Variants in MLLT1 observed in about 807,000 individuals in gnomAD.
The protein encoded by MLLT1 is protein ENL.
In MLLT1, 11 loss-of-function variants were observed where a neutral mutation model predicts 55.1. The observed-to-expected ratio is 0.20, with a 90% confidence interval of 0.13 to 0.33. The LOEUF is 0.33. MLLT1 is among the 10% of genes least tolerant of loss of function. The pLI is 1.00. For missense variants in MLLT1, 536 were observed against 760.6 expected (o/e 0.70, Z 3.47); for synonymous variants, 323 against 320.1 (o/e 1.01, Z -0.10).
rs2091107131 is a variant in MLLT1, at chr19:6,240,853, AAGG to A, written c.277-10143_277-10141del. Among the ~76,000 whole-genome samples, 1 of 152,100 alleles carries A rather than the reference AAGG, an allele frequency of 6.6e-6. No homozygotes were observed. The highest frequency in any genetic ancestry group is 1.5e-5 in the Non-Finnish European group (1 of 68,002). On this transcript the variant is annotated intron_variant, in intron 3 of 11. Transcript: ENST00000252674. This position sits in a 1 kb window ranked among gnomAD's most constrained non-coding sequence, Gnocchi z 4.7. ...GCATCGATGAGCAATTAGAAACCAA[AAGG>A]AGGAGGCAGAAATGCAGACACCACA...
chr19:6,232,190 T>C (rs1253811093), intron 3 of MLLT1, among the ~76,000 whole-genome samples: 1 of 152,098 alleles, frequency 6.6e-6, no homozygotes, highest in Non-Finnish European at 1.5e-5. Flanking sequence ...GAGCTAAGAT[T>C]GCACCACTGC....
At chr19:6,248,401 C>T (rs1389067850) in intron 3 of MLLT1, among the ~76,000 whole-genome samples, 1 of 152,180 alleles carries the variant, frequency 6.6e-6, no homozygotes, top group African/African-American at 2.4e-5. Flanking sequence ...TAGTGACCTG[C>T]TTCTTCTAAG....
chr19:6,235,255 T>C lies in MLLT1; in HGVS notation c.277-4542A>G, dbSNP rs775652898. ...TGAGTGGACGCTGGCAGCACGGCTGTGCAGAGGATGAACGTGGCTGGGGGG... is the reference window on the plus strand; with the variant it reads ...TGAGTGGACGCTGGCAGCACGGCTGCGCAGAGGATGAACGTGGCTGGGGGG... On this transcript the variant is annotated intron_variant, in intron 3 of 11. Transcript: ENST00000252674. This position sits in a 1 kb window ranked among gnomAD's most constrained non-coding sequence, Gnocchi z 5.5. 1.5e-4 allele frequency among the ~76,000 whole-genome samples: 23 copies of C among 152,194 alleles called. No homozygotes were observed. The highest frequency in any genetic ancestry group is 2.4e-4 in the Non-Finnish European group (16 of 68,042).
In MLLT1 at chr19:6,213,718, C is replaced by T; in HGVS notation, c.1479+8G>A. Reference sequence around the variant, plus strand: ...AGCCTCCCCGCCTTGTCGTAGGTGCCCCCCCACCTTGTCGTAGGTGCCCTT... The same window carrying T: ...AGCCTCCCCGCCTTGTCGTAGGTGCTCCCCCACCTTGTCGTAGGTGCCCTT... On this transcript the variant is annotated splice_region_variant and intron_variant, in intron 10 of 11. Coordinates refer to ENST00000252674, the MANE Select transcript of MLLT1 (RefSeq NM_005934.4). The T allele has an allele frequency of 6.3e-7, 1 of 1,596,942 alleles. No individual in the cohort carries two copies. Among genetic ancestry groups the T allele is most frequent in the Non-Finnish European group, 8.6e-7 (1 of 1,165,846 alleles).
rs899021374 is a variant in MLLT1 at position 6,231,572 on chromosome 19, C to T, written c.277-859G>A. Among the ~76,000 whole-genome samples the T allele has an allele frequency of 5.3e-5, 8 of 151,732 alleles. No homozygotes were observed. Among genetic ancestry groups the T allele is most frequent in the African/African-American group, 1.9e-4 (8 of 41,288 alleles). The stretch of plus-strand genomic sequence containing the variant: ...TGTTGCCCAGGCTGGAGTGCAGTGG[C>T]GCGATCTCGGCTCACTGCAAGCTCC... On this transcript the variant is annotated intron_variant, in intron 3 of 11. Transcript: ENST00000252674. This position sits in a 1 kb window ranked among gnomAD's most constrained non-coding sequence, Gnocchi z 5.1.
rs1394979803 is a variant in MLLT1 at position 6,211,708 on chromosome 19, G to A, written c.*1334C>T. The A allele has an allele frequency of 4.2e-5, 45 of 1,064,700 alleles. No homozygotes were observed. The highest frequency in any genetic ancestry group is 1.6e-5 in the African/African-American group (1 of 61,144). 66.0% of individuals were successfully genotyped at this position (1,064,700 alleles called of 1,614,324 possible). Reference sequence around the variant, plus strand: ...GGAGGCGCCTCGAGTCAATGTCTGGGAAACAGAGGCTAACCAGGCAGGCCT... The same window carrying A: ...GGAGGCGCCTCGAGTCAATGTCTGGAAAACAGAGGCTAACCAGGCAGGCCT... On this transcript the variant is annotated 3_prime_UTR_variant, in exon 12 of 12. Transcript: ENST00000252674. The surrounding 1 kb of genome is among the most constrained non-coding windows in gnomAD (Gnocchi z 4.6).
rs2090990801 is a variant in MLLT1, at chr19:6,229,791, C to T, written c.420+779G>A. Reference sequence around the variant, plus strand: ...CACACGACACACACCCCATACCACACATGCCACTCACACCATACACGAGAC... The same window carrying T: ...CACACGACACACACCCCATACCACATATGCCACTCACACCATACACGAGAC... On this transcript the variant is annotated intron_variant, in intron 4 of 11. Transcript: ENST00000252674. The surrounding 1 kb of genome is among the most constrained non-coding windows in gnomAD (Gnocchi z 5.2). Among the ~76,000 whole-genome samples the T allele has an allele frequency of 6.6e-6, 1 of 151,962 alleles. No homozygotes were observed.
chr19:6,262,402 C>A lies in MLLT1; in HGVS notation c.194-92G>T. On this transcript the variant is annotated intron_variant, in intron 2 of 11. Coordinates refer to ENST00000252674, the MANE Select transcript of MLLT1 (RefSeq NM_005934.4). This position sits in a 1 kb window ranked among gnomAD's most constrained non-coding sequence, Gnocchi z 4.4. ...AGTACCGCACCCCTCAACCCCACCA[C>A]CTCCTCACAGGGGCTTGGCTGGCCT... 2 of 1,070,822 alleles carry A rather than the reference C, an allele frequency of 1.9e-6. No homozygotes were observed. The highest frequency in any genetic ancestry group is 1.4e-6 in the Non-Finnish European group (1 of 715,778). 66.3% of individuals were successfully genotyped at this position (1,070,822 alleles called of 1,614,324 possible).
chr19:6,237,763 C>CAAA lies in MLLT1; in HGVS notation c.277-7053_277-7051dup, dbSNP rs1269996726. On this transcript the variant is annotated intron_variant, in intron 3 of 11. Transcript: ENST00000252674. ...GGGCGACTAAGTGAGACTCTTGTCTCAAAAAAAAAAAAAAAAAAAGATGCT... is the reference window on the plus strand; with the variant it reads ...GGGCGACTAAGTGAGACTCTTGTCTCAAAAAAAAAAAAAAAAAAAAAAGATGCT... Among the ~76,000 whole-genome samples the CAAA allele has an allele frequency of 4.1e-3, 291 of 71,736 alleles. 2 individuals are homozygous for CAAA. Among genetic ancestry groups the CAAA allele is most frequent in the African/African-American group, 0.012 (256 of 20,710 alleles). 47.1% of individuals were successfully genotyped at this position (71,736 alleles called of 152,430 possible).
chr19:6,269,903 C>T (rs77393656), intron 2 of MLLT1, among the ~76,000 whole-genome samples: 3,102 of 152,296 alleles, frequency 0.02, 103 homozygotes, highest in East Asian at 0.12. Context: ...GAAAAGTAGA[C>T]GCGGCCCCAG....
At chr19:6,278,083 C>T (rs1451751789) in intron 1 of MLLT1, among the ~76,000 whole-genome samples, 3 of 151,924 alleles carry the variant, frequency 2.0e-5, no homozygotes, top group African/African-American at 4.8e-5. Context: ...TCTTGCCCCC[C>T]ACCCATGAAA....
rs189304292 is a variant in MLLT1 at position 6,265,355 on chromosome 19, G to A, written c.194-3045C>T. 8.3e-4 allele frequency among the ~76,000 whole-genome samples: 127 copies of A among 152,236 alleles called. 1 individual carries two copies. The highest frequency in any genetic ancestry group is 8.8e-5 in the Non-Finnish European group (6 of 68,020). On this transcript the variant is annotated intron_variant, in intron 2 of 11. Coordinates refer to ENST00000252674, the MANE Select transcript of MLLT1 (RefSeq NM_005934.4). ...TAAAATGCTCCAGTGAGCATTTTCTGAGCATCATGTCAGCACTCAAAAAGT... is the reference window on the plus strand; with the variant it reads ...TAAAATGCTCCAGTGAGCATTTTCTAAGCATCATGTCAGCACTCAAAAAGT...
At chr19:6,242,260 T>C (rs754727365) in intron 3 of MLLT1, among the ~76,000 whole-genome samples, 1 of 152,182 alleles carries the variant, frequency 6.6e-6, no homozygotes, top group Non-Finnish European at 1.5e-5. Context: ...GCACCCCGGC[T>C]TGGTGTCCTT....
intron 4 of MLLT1, among the ~76,000 whole-genome samples, chr19:6,228,514 G>C (rs981058508): frequency 2.0e-5 from 3 of 152,150 alleles, no homozygotes; most frequent in African/African-American, 7.2e-5. Context: ...ACAAGACACG[G>C]TCCTAAGGGG....
chr19:6,224,073 G>T (rs1259302884), intron 5 of MLLT1, among the ~76,000 whole-genome samples: 2 of 152,190 alleles, frequency 1.3e-5, no homozygotes, highest in Non-Finnish European at 2.9e-5. Context: ...CTGGGTAGAG[G>T]CCTCTGAAAA....
chr19:6,217,331 C>T (rs920825568), intron 7 of MLLT1, among the ~76,000 whole-genome samples: 1 of 152,188 alleles, frequency 6.6e-6, no homozygotes, highest in Non-Finnish European at 1.5e-5. Flanking sequence ...AGTGGAAACG[C>T]TTTTTGCCTG....
intron 3 of MLLT1, among the ~76,000 whole-genome samples, chr19:6,245,886 G>T (rs912454330): frequency 5.3e-5 from 8 of 152,036 alleles, no homozygotes; most frequent in Non-Finnish European, 1.0e-4. Context: ...AAGCGACACA[G>T]TAAGGCCCTG....
intron 3 of MLLT1, among the ~76,000 whole-genome samples, chr19:6,238,325 C>G (rs1170143466): frequency 6.6e-6 from 1 of 152,178 alleles, no homozygotes; most frequent in Non-Finnish European, 1.5e-5. Context: ...CAATTTCTAG[C>G]CAGAATGATA....
At chr19:6,257,346 C>T (rs1360552792) in intron 3 of MLLT1, among the ~76,000 whole-genome samples, 2 of 150,834 alleles carry the variant, frequency 1.3e-5, no homozygotes, top group Non-Finnish European at 2.9e-5. Flanking sequence ...GCACTCCAGC[C>T]TGGGCAACAG....
Sources: allele counts gnomAD v4.1 joint callset (sites outside exome capture counted in the v4.1 genomes callset), GRCh38; gene constraint gnomAD v4.1.1; non-coding constraint Gnocchi (gnomAD v3.1); transcripts MANE v1.5; gene names NCBI Gene and HGNC (gene_info 2026-07-23, HGNC 2026-07-21).